Variants in RELL1 observed in about 807,000 individuals in gnomAD.
The protein encoded by RELL1 is RELT-like protein 1.
In RELL1, 10 loss-of-function variants were observed where a neutral mutation model predicts 23.0. That is an observed-to-expected ratio of 0.43 (90% CI 0.27 to 0.74). The LOEUF is 0.74. Among genes scored for constraint, RELL1 ranks in the 30% least tolerant of loss-of-function variants. The pLI, the probability that RELL1 is intolerant of heterozygous loss-of-function variation, is 0.19. For synonymous variants in RELL1, 146 were observed against 146.8 expected, an observed-to-expected ratio of 0.99 and a Z score of 0.04; for missense variants, 315 against 364.4, an observed-to-expected ratio of 0.86 and a Z score of 1.10.
chr4:37,669,154 G>T (rs1195904366), intron 1 of RELL1, among the ~76,000 whole-genome samples: 1 of 127,704 alleles, frequency 7.8e-6, no homozygotes, highest in Admixed American at 7.3e-5. Context: ...CCCTCTGCCC[G>T]GCCAGCCGCC....
At chr4:37,685,993 G>A (rs1452819727) in intron 1 of RELL1, among the ~76,000 whole-genome samples, 3 of 152,346 alleles carry the variant, frequency 2.0e-5, no homozygotes, top group East Asian at 1.9e-4. Context: ...CGGGAGCGGG[G>A]CCCGCGGGAG....
intron 1 of RELL1, among the ~76,000 whole-genome samples, chr4:37,680,521 T>G (rs1178083648): frequency 1.3e-5 from 2 of 152,330 alleles, no homozygotes; most frequent in East Asian, 3.9e-4. Context: ...AGCCCTTTTT[T>G]GGGTGTATAG....
At chr4:37,652,762 C>T (rs1720993412) in intron 1 of RELL1, among the ~76,000 whole-genome samples, 1 of 152,152 alleles carries the variant, frequency 6.6e-6, no homozygotes, top group Admixed American at 6.5e-5. Context: ...CTGTGACTTA[C>T]AAACATGTGT....
intron 3 of RELL1, among the ~76,000 whole-genome samples, chr4:37,644,267 A>AC (rs751811549): frequency 1.4e-3 from 210 of 151,682 alleles, no homozygotes; most frequent in Middle Eastern, 6.9e-3. Flanking sequence ...TCCTCCAAGG[A>AC]CCCCAAACAC....
chr4:37,686,027 C>A (rs1281287254), intron 1 of RELL1, among the ~76,000 whole-genome samples, 173 bp downstream of exon 1: 4 of 152,224 alleles, frequency 2.6e-5, no homozygotes, highest in Non-Finnish European at 5.9e-5. Flanking sequence ...GCCGTTGCCA[C>A]GCACCGCGCC....
At chr4:37,605,990 G>A (rs900407051), downstream of RELL1, among the ~76,000 whole-genome samples, 1 of 147,484 alleles carries the variant, frequency 6.8e-6, no homozygotes, top group Non-Finnish European at 1.5e-5. Context: ...AGGGAAGAAG[G>A]AAGAGAGGGT....
intron 1 of RELL1, among the ~76,000 whole-genome samples, chr4:37,669,005 T>TGGGGGG (rs1331662561): frequency 8.5e-6 from 1 of 117,590 alleles, no homozygotes; most frequent in African/African-American, 4.5e-5. Flanking sequence ...AGGAGAGAGG[T>TGGGGGG]GGGGGGGTCA....
chr4:37,661,444 TA>T (rs746906505), intron 1 of RELL1, among the ~76,000 whole-genome samples: 5 of 152,142 alleles, frequency 3.3e-5, no homozygotes, highest in Non-Finnish European at 7.4e-5. Context: ...CACACCTGGC[TA>T]ATTTTTTGTA....
intron 6 of RELL1, among the ~76,000 whole-genome samples, chr4:37,616,297 G>A (rs1719572288): frequency 6.6e-6 from 1 of 152,180 alleles, no homozygotes; most frequent in South Asian, 2.1e-4. Context: ...TTAGTAACGG[G>A]AAAGTAGGAA....
intron 3 of RELL1, among the ~76,000 whole-genome samples, chr4:37,640,117 T>C (rs552690180): frequency 2.6e-5 from 4 of 152,348 alleles, no homozygotes; most frequent in Non-Finnish European, 4.4e-5. Context: ...AGGGGACACA[T>C]TGCCCCATTG....
At chr4:37,663,679 G>C (rs187961270) in intron 1 of RELL1, among the ~76,000 whole-genome samples, 32 of 152,312 alleles carry the variant, frequency 2.1e-4, no homozygotes, top group African/African-American at 7.5e-4. Flanking sequence ...ACAAGCCTCG[G>C]TGTGTAGGAG....
intron 1 of RELL1, among the ~76,000 whole-genome samples, chr4:37,668,201 A>ACCCCCCCCCCCCCCCCCCCCCCCCCCCCC (rs532626099): frequency 6.9e-6 from 1 of 143,918 alleles, no homozygotes; most frequent in African/African-American, 2.6e-5. Flanking sequence ...AAAAAAAGGA[A>ACCCCCCCCCCCCCCCCCCCCCCCCCCCCC]CCCCCTCCCC....
chr4:37,627,083 T>C (rs1208614976), intron 6 of RELL1, among the ~76,000 whole-genome samples: 1 of 152,266 alleles, frequency 6.6e-6, no homozygotes, highest in Admixed American at 6.5e-5. Flanking sequence ...ATTAGCTCAA[T>C]TTAGCCATCG....
chr4:37,628,003 A>G (rs1053391724), intron 6 of RELL1, among the ~76,000 whole-genome samples: 1 of 152,220 alleles, frequency 6.6e-6, no homozygotes, highest in Admixed American at 6.5e-5. Flanking sequence ...AAATCAAGTC[A>G]TGTTAAATGT....
downstream of RELL1, chr4:37,587,976 A>G (rs1225128855): frequency 6.6e-6 from 1 of 152,208 alleles, no homozygotes; most frequent in South Asian, 2.1e-4. Context: ...CTCAAAAAAA[A>G]ATAATAAATA....
At chr4:37,659,586 T>G (rs529055128) in intron 1 of RELL1, among the ~76,000 whole-genome samples, 1 of 152,292 alleles carries the variant, frequency 6.6e-6, no homozygotes, top group South Asian at 2.1e-4. Context: ...TTTTTCTTCA[T>G]CCACCTTTGC....
At chr4:37,664,627 T>G (rs1016620761) in intron 1 of RELL1, among the ~76,000 whole-genome samples, 1 of 152,008 alleles carries the variant, frequency 6.6e-6, no homozygotes, top group Non-Finnish European at 1.5e-5. Context: ...AAAGAAAATT[T>G]TCAATCATAC....
chr4:37,622,850 G>A, intron 6 of RELL1: 1 of 448,650 alleles, frequency 2.2e-6, no homozygotes, highest in Non-Finnish European at 4.4e-6. Context: ...TGTCACCCCG[G>A]CTGAAGTGCA....
chr4:37,587,113 T>C (rs938238203), downstream of RELL1, among the ~76,000 whole-genome samples: 3 of 152,280 alleles, frequency 2.0e-5, no homozygotes, highest in Middle Eastern at 3.4e-3. Flanking sequence ...GCCAGTACTC[T>C]TGGTTTGTGA....
Sources: gnomAD v4.1 joint callset for allele counts (sites outside exome capture counted in the v4.1 genomes callset) on GRCh38, gnomAD v4.1.1 for gene constraint, MANE v1.5 for transcripts, NCBI Gene and HGNC (gene_info 2026-07-23, HGNC 2026-07-21) for gene names.